Variants in VARS2 observed in about 807,000 individuals in gnomAD.
VARS2 encodes valyl-tRNA synthetase 2, mitochondrial.
VARS2 carries 105 observed loss-of-function variants against 154.1 expected under a neutral mutation model. The ratio of observed to expected loss-of-function variants is 0.68; its 90% CI spans 0.58 to 0.80. The LOEUF (loss-of-function observed/expected upper bound fraction) is 0.80. VARS2 is among the 30% of genes least tolerant of loss of function. The pLI, the probability that VARS2 is intolerant of heterozygous loss-of-function variation, is 0.00. For synonymous variants in VARS2, 483 were observed against 539.5 expected (o/e 0.90, Z 1.45); for missense variants, 1,157 against 1,361.4 (o/e 0.85, Z 2.36).
chr6:30,916,044 A>T lies in VARS2; in HGVS notation c.570A>T (p.Thr190=). Residue 190 remains threonine (T), a synonymous_variant, in exon 6 of 30, where the codon ACA becomes ACT. Transcript: ENST00000676266. This position sits in a 1 kb window ranked among gnomAD's most constrained non-coding sequence, Gnocchi z 4.0. Reference sequence around the variant, plus strand: ...GTTCAGATCATGCAGGAATTGCTACACAAGTATGTCTTTTGTTACCTGTTC... The same window carrying T: ...GTTCAGATCATGCAGGAATTGCTACTCAAGTATGTCTTTTGTTACCTGTTC... ...VPGSDHAGIA[T]QAVVEKQLWK... The T allele has an allele frequency of 6.2e-7, 1 of 1,614,008 alleles. No individual in the cohort carries two copies. Among genetic ancestry groups the T allele is most frequent in the Non-Finnish European group, 8.5e-7 (1 of 1,179,892 alleles).
chr6:30,915,053 G>A lies in VARS2; in HGVS notation c.201+16G>A. Reference sequence around the variant, plus strand: ...GGAGAGCAAGGTTAGGGGTCAGACAGCTTGTCCTTGGGTTTCTGAGACTTG... The same window carrying A: ...GGAGAGCAAGGTTAGGGGTCAGACAACTTGTCCTTGGGTTTCTGAGACTTG... On this transcript the variant is annotated intron_variant, in intron 2 of 29. Transcript: ENST00000676266. 1 of 1,612,976 alleles carries A rather than the reference G, an allele frequency of 6.2e-7. No homozygotes were observed. Among genetic ancestry groups the A allele is most frequent in the Non-Finnish European group, 8.5e-7 (1 of 1,179,578 alleles).
rs989140254 is a variant in VARS2 at position 30,923,435 on chromosome 6, C to T, written c.2396C>T (p.Thr799Ile). The T allele has an allele frequency of 6.2e-7, 1 of 1,612,256 alleles. No homozygotes were observed. Among genetic ancestry groups the T allele is most frequent in the Non-Finnish European group, 8.5e-7 (1 of 1,180,022 alleles). ...AAQECERGFL[T>I]RELSLVTHAL... ...CAGGAGTGTGAGCGGGGCTTCCTCA[C>T]CCGAGAGCTCTCGCTCGTCACTCAT... The change falls in exon 25 of 30, where the codon ACC becomes ATC. Residue 799 changes from threonine (T) to isoleucine (I), a missense_variant. Thr to Ile is a moderately conservative substitution (Grantham distance 89). Transcript: ENST00000676266.
Position 30,923,401 on chromosome 6 carries a change from C to T in VARS2, c.2362C>T (p.Leu788=). 1.2e-6 allele frequency: 2 copies of T among 1,612,390 alleles called. No homozygotes were observed. The highest frequency in any genetic ancestry group is 2.2e-5 in the East Asian group (1 of 44,872). ...TGCCTGGATCCTGAGCCGCCTTGCC[C>T]TGGCTGCCCAGGAGTGTGAGCGGGG... The part of the protein sequence containing the change: ...MDAWILSRLA[L]AAQECERGFL... Residue 788 remains leucine (L), a synonymous_variant, in exon 25 of 30, where the codon CTG becomes TTG. Coordinates refer to ENST00000676266, the MANE Select transcript of VARS2 (RefSeq NM_020442.6).
Position 30,921,452 on chromosome 6 carries a change from C to T in VARS2, c.1633-137C>T. The T allele has an allele frequency of 7.1e-7, 1 of 1,411,332 alleles. No homozygotes were observed. The highest frequency in any genetic ancestry group is 9.8e-7 in the Non-Finnish European group (1 of 1,019,990). 87.4% of individuals were successfully genotyped at this position (1,411,332 alleles called of 1,614,324 possible). On this transcript the variant is annotated intron_variant, in intron 17 of 29. Coordinates refer to ENST00000676266, the MANE Select transcript of VARS2 (RefSeq NM_020442.6). The surrounding 1 kb of genome is among the most constrained non-coding windows in gnomAD (Gnocchi z 4.6). ...TAACCTTCTGCGCGATCAAGGCTCC[C>T]TGAAGTGGCATTTCTTTATCTCACC...
Position 30,921,522 on chromosome 6 carries a change from A to C in VARS2, c.1633-67A>C. ...TCTAAGACCACATGAGGACGTGAAAACCAAGTGACATTTACACCTGTCAGC... is the reference window on the plus strand; with the variant it reads ...TCTAAGACCACATGAGGACGTGAAACCCAAGTGACATTTACACCTGTCAGC... On this transcript the variant is annotated intron_variant, in intron 17 of 29. Transcript: ENST00000676266. The surrounding 1 kb of genome is among the most constrained non-coding windows in gnomAD (Gnocchi z 4.6). 6.5e-7 allele frequency: 1 copy of C among 1,547,408 alleles called. No homozygotes were observed. The highest frequency in any genetic ancestry group is 8.8e-7 in the Non-Finnish European group (1 of 1,140,800).
rs1794837003 is a variant in VARS2, at chr6:30,926,324, T to C, written c.*114T>C. ...GAGACTATGTGGTCCATCGCCTTCATTGTGTAAATGAGGACACAGACTGGC... is the reference window on the plus strand; with the variant it reads ...GAGACTATGTGGTCCATCGCCTTCACTGTGTAAATGAGGACACAGACTGGC... On this transcript the variant is annotated 3_prime_UTR_variant, in exon 30 of 30. Transcript: ENST00000676266. The C allele has an allele frequency of 5.6e-6, 6 of 1,073,442 alleles. No homozygotes were observed. In the Admixed American group the frequency reaches 1.1e-4, roughly 19 times the overall value. The allele number at this position is 1,073,442 out of a possible 1,614,324, so 66.5% of individuals were successfully genotyped here.
In VARS2 at chr6:30,923,336, G is replaced by T. The variant is rs1305305536; in HGVS notation, c.2314-17G>T. 6.2e-6 allele frequency: 10 copies of T among 1,607,460 alleles called. No individual in the cohort carries two copies. ...AGGGGAGGGGGAGTCAGGCCATCCT[G>T]CCCCCTCTGCCTGCAGCTGTCTCCC... On this transcript the variant is annotated splice_polypyrimidine_tract_variant and intron_variant, in intron 24 of 29. Coordinates refer to ENST00000676266, the MANE Select transcript of VARS2 (RefSeq NM_020442.6).
At chr6:30,922,362 T>TCCTAC (rs1464651035) in intron 20 of VARS2, 88 bp from the exon 21 acceptor site, 19 of 1,604,690 alleles carry the variant, frequency 1.2e-5, no homozygotes, top group Non-Finnish European at 1.6e-5. Flanking sequence ...CTAATTCACT[T>TCCTAC]CCTACCCTAC....
At chr6:30,915,321 C>A (rs370531184) in intron 3 of VARS2, 34 bp from the exon 4 acceptor site, 1 of 1,613,194 alleles carries the variant, frequency 6.2e-7, no homozygotes, top group Non-Finnish European at 8.5e-7. Context: ...GGAACAAGTT[C>A]AGTGGTTAGT....
chr6:30,919,998 A>AGCGGCT lies in VARS2; in HGVS notation c.1166-90_1166-89insCGGCTG. On this transcript the variant is annotated intron_variant, in intron 12 of 29. Coordinates refer to ENST00000676266, the MANE Select transcript of VARS2 (RefSeq NM_020442.6). This position sits in a 1 kb window ranked among gnomAD's most constrained non-coding sequence, Gnocchi z 4.5. ...GGGAGGCACAGACAGAGAAAGTCGC[A>AGCGGCT]GGGGCTGGGGCGGTGCAGGTGATGA... The AGCGGCT allele has an allele frequency of 6.7e-7, 1 of 1,501,294 alleles. No individual in the cohort carries two copies. Among genetic ancestry groups the AGCGGCT allele is most frequent in the South Asian group, 1.4e-5 (1 of 73,980 alleles). 93.0% of individuals were successfully genotyped at this position (1,501,294 alleles called of 1,614,324 possible). A position where few individuals can be genotyped will look rare whatever the true frequency, so the allele number is the denominator to read the frequency against.
rs774039461 is a variant in VARS2, at chr6:30,919,464, C to T, written c.1075-294C>T. Reference sequence around the variant, plus strand: ...CCTCCCAAAGTGCTGGGATTACAGGCGTGAGCCGCCGCGCCTGGCTGCTTG... The same window carrying T: ...CCTCCCAAAGTGCTGGGATTACAGGTGTGAGCCGCCGCGCCTGGCTGCTTG... On this transcript the variant is annotated intron_variant, in intron 11 of 29. Coordinates refer to ENST00000676266, the MANE Select transcript of VARS2 (RefSeq NM_020442.6). This position sits in a 1 kb window ranked among gnomAD's most constrained non-coding sequence, Gnocchi z 4.5. The T allele has an allele frequency of 1.8e-5, 5 of 280,922 alleles. No individual in the cohort carries two copies. The highest frequency in any genetic ancestry group is 2.6e-5 in the Non-Finnish European group (4 of 151,830). The allele number at this position is 280,922 out of a possible 1,614,324, so 17.4% of individuals were successfully genotyped here.
At chr6:30,922,072 G>A (rs769401913) in intron 19 of VARS2, 44 bp from the exon 20 acceptor site, 3 of 1,612,754 alleles carry the variant, frequency 1.9e-6, no homozygotes, top group East Asian at 2.2e-5. Context: ...GAGGCTTGAG[G>A]GGGGCCTGGG....
Position 30,916,638 on chromosome 6 carries a change from T to A in VARS2, c.672-240T>A, listed in dbSNP as rs560504496. On this transcript the variant is annotated intron_variant, in intron 7 of 29. Coordinates refer to ENST00000676266, the MANE Select transcript of VARS2 (RefSeq NM_020442.6). The surrounding 1 kb of genome is among the most constrained non-coding windows in gnomAD (Gnocchi z 4.0). Reference sequence around the variant, plus strand: ...TCATGCCATCTCTGTGAAGCATCCTTGGATTTCCCACAATATGGCTATCCC... The same window carrying A: ...TCATGCCATCTCTGTGAAGCATCCTAGGATTTCCCACAATATGGCTATCCC... 2.5e-4 allele frequency: 141 copies of A among 572,678 alleles called. No homozygotes were observed. The East Asian group carries it at 3.9e-3, about 16-fold the overall frequency. 35.5% of individuals were successfully genotyped at this position (572,678 alleles called of 1,614,324 possible). A position where few individuals can be genotyped will look rare whatever the true frequency, so the allele number is the denominator to read the frequency against.
rs776801508 is a variant in VARS2, at chr6:30,924,390, C to T, written c.2503C>T (p.Pro835Ser). The change falls in exon 26 of 30, where the codon CCC (proline) becomes TCC (serine). Residue 835 changes from proline (P) to serine (S), a missense_variant. Transcript: ENST00000676266. Reference protein sequence around the residue: ...VKPVLWHSPRPLGPPQVLFSC... With the variant: ...VKPVLWHSPRSLGPPQVLFSC... ...GCCCGTGCTGTGGCACTCGCCCCGC[C>T]CCCTGGGGCCCCCTCAGGTCCTGTT... The T allele has an allele frequency of 2.5e-6, 4 of 1,612,538 alleles. No homozygotes were observed. Among genetic ancestry groups the T allele is most frequent in the Admixed American group, 3.3e-5 (2 of 59,994 alleles).
chr6:30,915,620 T>C, intron 4 of VARS2, 126 bp from the exon 5 acceptor site: 1 of 1,514,408 alleles, frequency 6.6e-7, no homozygotes, highest in East Asian at 2.3e-5. Context: ...AATTCCCTCC[T>C]CTCCACTCTC....
At chr6:30,923,588 T>C (rs955042309) in intron 25 of VARS2, 83 bp downstream of exon 25, 2 of 1,535,306 alleles carry the variant, frequency 1.3e-6, no homozygotes, top group Admixed American at 3.6e-5. Context: ...AGCTCTGGAG[T>C]TAATAAGTTC....
In VARS2 at chr6:30,919,944, A is replaced by C; in HGVS notation, c.1165+96A>C. 2.0e-6 allele frequency: 3 copies of C among 1,479,300 alleles called. No homozygotes were observed. Among genetic ancestry groups the C allele is most frequent in the Non-Finnish European group, 2.7e-6 (3 of 1,103,290 alleles). 91.6% of individuals were successfully genotyped at this position (1,479,300 alleles called of 1,614,324 possible). A position where few individuals can be genotyped will look rare whatever the true frequency, so the allele number is the denominator to read the frequency against. On this transcript the variant is annotated intron_variant, in intron 12 of 29. Coordinates refer to ENST00000676266, the MANE Select transcript of VARS2 (RefSeq NM_020442.6). The surrounding 1 kb of genome is among the most constrained non-coding windows in gnomAD (Gnocchi z 4.5). Reference sequence around the variant, plus strand: ...AGGAAGGTGGGAGTGGGAGATCCTCATATAGGGTGGTCTGAGTGGGGAATG... The same window carrying C: ...AGGAAGGTGGGAGTGGGAGATCCTCCTATAGGGTGGTCTGAGTGGGGAATG...
rs753304173 is a variant in VARS2 at position 30,921,055 on chromosome 6, T to TTC, written c.1480-5_1480-4dup. 1.2e-6 allele frequency: 2 copies of TTC among 1,606,648 alleles called. No individual in the cohort carries two copies. The highest frequency in any genetic ancestry group is 2.2e-5 in the South Asian group (2 of 89,596). On this transcript the variant is annotated splice_polypyrimidine_tract_variant and intron_variant, in intron 15 of 29. Transcript: ENST00000676266. This position sits in a 1 kb window ranked among gnomAD's most constrained non-coding sequence, Gnocchi z 4.6. Reference sequence around the variant, plus strand: ...AGGGCAACATTGTCTAAAGTCCCCTTTCTCTCCAGGCTGTGGAGTCGGGGG... The same window carrying TTC: ...AGGGCAACATTGTCTAAAGTCCCCTTTCTCTCTCCAGGCTGTGGAGTCGGGGG...
In VARS2 at chr6:30,922,742, C is replaced by A. The variant is rs756413081; in HGVS notation, c.2074C>A (p.Pro692Thr). ...QEKLRSGNLD[P>T]AELAIVAAAQ... ...AAAGCTGAGAAGCGGAAATTTGGACCCTGCAGAGCTGGCCATTGTGGCTGC... is the reference window on the plus strand; with the variant it reads ...AAAGCTGAGAAGCGGAAATTTGGACACTGCAGAGCTGGCCATTGTGGCTGC... The change falls in exon 22 of 30, where the codon CCT (proline) becomes ACT (threonine). Residue 692 changes from proline (P) to threonine (T), a missense_variant. By Grantham distance (38) the Pro-to-Thr change is conservative. Coordinates refer to ENST00000676266, the MANE Select transcript of VARS2 (RefSeq NM_020442.6). The A allele has an allele frequency of 3.7e-6, 6 of 1,612,504 alleles. No homozygotes were observed. In the South Asian group the frequency reaches 6.6e-5, roughly 18 times the overall value.
Sources: allele counts gnomAD v4.1 joint callset, GRCh38; gene constraint gnomAD v4.1.1; non-coding constraint Gnocchi (gnomAD v3.1); transcripts MANE v1.5; gene names NCBI Gene and HGNC (gene_info 2026-07-23, HGNC 2026-07-21).